SOX13: variants seen among roughly 807,000 people sequenced by gnomAD.
The protein encoded by SOX13 is SRY-box transcription factor 13, also known as transcription factor SOX-13.
Under a neutral mutation model 71.8 loss-of-function variants are expected in SOX13, and 28 were observed. The observed-to-expected ratio is 0.39, with a 90% CI of 0.29 to 0.53. The LOEUF is 0.53. Among genes scored for constraint, SOX13 ranks in the 20% least tolerant of loss-of-function variants. The pLI is 0.70. For synonymous variants in SOX13, 309 were observed against 317.8 expected, an observed-to-expected ratio of 0.97 and a Z score of 0.29; for missense variants, 627 against 810.3, an observed-to-expected ratio of 0.77 and a Z score of 2.75.
chr1:204,125,502 GC>G (rs1218774336), intron 13 of SOX13, among the ~76,000 whole-genome samples: 3 of 152,218 alleles, frequency 2.0e-5, no homozygotes, highest in African/African-American at 7.2e-5. Context: ...GGCTGACGCT[GC>G]AGTCAGCTGT....
chr1:204,090,769 G>A (rs368695399), intron 1 of SOX13, among the ~76,000 whole-genome samples: 6 of 152,182 alleles, frequency 3.9e-5, no homozygotes, highest in East Asian at 3.8e-4. Flanking sequence ...GATTCAGCAC[G>A]GGTGAATTTG....
At chr1:204,098,008 G>C (rs971692579) in intron 1 of SOX13, among the ~76,000 whole-genome samples, 9 of 151,984 alleles carry the variant, frequency 5.9e-5, no homozygotes, top group Admixed American at 5.9e-4. Context: ...ACAGGTGTGT[G>C]CCACCACACC....
chr1:204,116,272 G>C (rs952954686), intron 4 of SOX13: 1 of 1,484,900 alleles, frequency 6.7e-7, no homozygotes, highest in African/African-American at 1.4e-5. Flanking sequence ...TTTTCAGGGG[G>C]CCTGGAATTC....
chr1:204,094,771 GA>G (rs1656217551), intron 1 of SOX13, among the ~76,000 whole-genome samples: 1 of 152,226 alleles, frequency 6.6e-6, no homozygotes, highest in Non-Finnish European at 1.5e-5. Context: ...GGTTAAGTGG[GA>G]ACTGGGATAA....
chr1:204,093,971 T>A (rs1214063831), intron 1 of SOX13, among the ~76,000 whole-genome samples: 1 of 152,192 alleles, frequency 6.6e-6, no homozygotes, highest in Non-Finnish European at 1.5e-5. Context: ...GCCTATACTT[T>A]TGTCTCTCAG....
Position 204,114,616 on chromosome 1 carries a change from GT to G in SOX13, c.418+13del. The G allele has an allele frequency of 6.3e-7, 1 of 1,599,638 alleles. No homozygotes were observed. Among genetic ancestry groups the G allele is most frequent in the Non-Finnish European group, 8.6e-7 (1 of 1,166,826 alleles). On this transcript the variant is annotated intron_variant, in intron 4 of 13. Coordinates refer to ENST00000367204, the MANE Select transcript of SOX13 (RefSeq NM_005686.3). ...CCAAAGATGTCAAAGGTGAAGGCCT[GT>G]TGGGGGTGGGGGAGATGTTTGAACC...
At position 204,123,685 on chromosome 1, in the gene SOX13, G is replaced by A. The variant is rs771489813; in HGVS notation, c.1256G>A (p.Arg419Gln). ...MDGSRHFPES[R>Q]NSSHIKRPMN... is the part of the protein sequence containing the mutation. ...GGCTCCCGCCACTTCCCCGAGTCCC[G>A]AAACAGCAGCCACATCAAGAGGCCC... is the stretch of plus-strand genomic sequence containing the variant. The change falls in exon 12 of 14, where the codon CGA becomes CAA. Residue 419 changes from arginine to glutamine, a missense_variant. Physicochemically the swap from Arg to Gln is conservative, Grantham distance 43 (BLOSUM62 1). Coordinates refer to ENST00000367204, the MANE Select transcript of SOX13 (RefSeq NM_005686.3). The surrounding 1 kb of genome is among the most constrained non-coding windows in gnomAD (Gnocchi z 5.0). 3.7e-5 allele frequency: 59 copies of A among 1,613,876 alleles called. No homozygotes were observed. The African/African-American group carries it at 6.5e-4, about 18-fold the overall frequency.
chr1:204,110,411 C>G (rs1656557003), intron 1 of SOX13, among the ~76,000 whole-genome samples: 1 of 151,438 alleles, frequency 6.6e-6, no homozygotes, highest in Non-Finnish European at 1.5e-5. Context: ...AGCAATCCTC[C>G]TGCCTTAGCC....
At position 204,116,692 on chromosome 1, in the gene SOX13, C is replaced by G. The variant is rs768204991; in HGVS notation, c.591+13C>G. ...GCAGCAGGAGCAGGTAGGTCCTGTT[C>G]GGTGGGTGTAGCTTTCTTTCCAGGA... is the stretch of plus-strand genomic sequence containing the variant. On this transcript the variant is annotated intron_variant, in intron 5 of 13. Coordinates refer to ENST00000367204, the MANE Select transcript of SOX13 (RefSeq NM_005686.3). 1 of 1,612,344 alleles carries G rather than the reference C, an allele frequency of 6.2e-7. No individual in the cohort carries two copies. Among genetic ancestry groups the G allele is most frequent in the Non-Finnish European group, 8.5e-7 (1 of 1,179,482 alleles).
intron 1 of SOX13, among the ~76,000 whole-genome samples, chr1:204,103,051 C>T (rs756772665): frequency 6.6e-6 from 1 of 152,220 alleles, no homozygotes; most frequent in Admixed American, 6.5e-5. Context: ...GGACTCCTTC[C>T]TGCTTTAGGG....
At chr1:204,116,239 G>T in intron 4 of SOX13, 1 of 1,426,490 alleles carries the variant, frequency 7.0e-7, no homozygotes, top group South Asian at 1.2e-5. Flanking sequence ...GGGCTCTGGG[G>T]CTGACATGTC....
At chr1:204,114,212 T>A in intron 2 of SOX13, 109 bp from the exon 3 acceptor site, 1 of 664,960 alleles carries the variant, frequency 1.5e-6, no homozygotes, top group Non-Finnish European at 2.6e-6. Flanking sequence ...AAGTAGGACT[T>A]GGATAGGGCT....
intron 1 of SOX13, among the ~76,000 whole-genome samples, chr1:204,094,911 G>A (rs559049339): frequency 4.1e-4 from 62 of 152,280 alleles, no homozygotes; most frequent in Non-Finnish European, 6.2e-4. Flanking sequence ...GCCCACAGAA[G>A]CCAGCATCTG....
chr1:204,117,269 G>A, intron 6 of SOX13, 79 bp downstream of exon 6: 1 of 1,273,462 alleles, frequency 7.9e-7, no homozygotes, highest in Admixed American at 1.8e-5. Flanking sequence ...CTGGGGACAG[G>A]GGATGTGCAC....
chr1:204,082,313 C>T (rs16852778), intron 1 of SOX13, among the ~76,000 whole-genome samples: 23,822 of 151,864 alleles, frequency 0.16, 2,010 homozygotes, highest in African/African-American at 0.19. Flanking sequence ...TGGCCAGGCT[C>T]CTCCAACCCA....
intron 1 of SOX13, among the ~76,000 whole-genome samples, chr1:204,079,025 A>G (rs1206045620): frequency 1.3e-5 from 2 of 152,168 alleles, no homozygotes; most frequent in East Asian, 3.9e-4. Context: ...TGGGCCGGGC[A>G]CGGTGGCTCA....
chr1:204,114,781 G>A (rs565582087), intron 4 of SOX13, among the ~76,000 whole-genome samples, 176 bp downstream of exon 4: 73 of 152,230 alleles, frequency 4.8e-4, no homozygotes, highest in African/African-American at 1.7e-3. Context: ...CAAGCATTAG[G>A]TCTCACTCAT....
rs192159452 is a variant in SOX13 at position 204,121,701 on chromosome 1, A to G, written c.776-199A>G. ...AGGGCGGGAACCCAGTGAAGATGCCAGTCAGTGTGCAGGGGCAGTGTGGAG... is the reference window on the plus strand; with the variant it reads ...AGGGCGGGAACCCAGTGAAGATGCCGGTCAGTGTGCAGGGGCAGTGTGGAG... On this transcript the variant is annotated intron_variant, in intron 7 of 13. Coordinates refer to ENST00000367204, the MANE Select transcript of SOX13 (RefSeq NM_005686.3). Among the ~76,000 whole-genome samples, 317 of 152,258 alleles carry G rather than the reference A, an allele frequency of 2.1e-3. 2 individuals are homozygous for G. The highest frequency in any genetic ancestry group is 6.3e-3 in the African/African-American group (263 of 41,542).
chr1:204,078,703 C>A (rs1655833372), intron 1 of SOX13, among the ~76,000 whole-genome samples: 1 of 152,148 alleles, frequency 6.6e-6, no homozygotes, highest in African/African-American at 2.4e-5. Context: ...CCTGTCAGCT[C>A]CCTGCCCCGA....
Sources: gnomAD v4.1 joint callset for allele counts (sites outside exome capture counted in the v4.1 genomes callset) on GRCh38, gnomAD v4.1.1 for gene constraint, Gnocchi (gnomAD v3.1) non-coding constraint, MANE v1.5 for transcripts, NCBI Gene and HGNC (gene_info 2026-07-23, HGNC 2026-07-21) for gene names.